The following MMAA variants were observed in gnomAD, a reference collection of about 807,000 sequenced individuals.
MMAA encodes methylmalonic aciduria type A protein, mitochondrial.
A neutral mutation model predicts 45.0 loss-of-function variants in MMAA; 41 were observed. The ratio of observed to expected loss-of-function variants is 0.91; its 90% CI spans 0.71 to 1.18. MMAA has a LOEUF of 1.18. Ranked by LOEUF, MMAA falls within the 50% of genes most tolerant of loss-of-function variation. The probability of loss-of-function intolerance (pLI) is 0.00; values close to 1 mark genes in which losing one functional copy is unlikely to be tolerated. For synonymous variants in MMAA, 154 were observed against 178.2 expected, an observed-to-expected ratio of 0.86 and a Z score of 1.08; for missense variants, 460 against 495.7, an observed-to-expected ratio of 0.93 and a Z score of 0.68.
intron 3 of MMAA, 81 bp downstream of exon 3, chr4:145,642,566 T>C: frequency 6.3e-7 from 1 of 1,586,424 alleles, no homozygotes. Flanking sequence ...CACAGTTGGG[T>C]GACCTCTAAC....
chr4:145,622,675 A>G lies in MMAA; in HGVS notation c.-66+3268A>G, dbSNP rs761555654. On this transcript the variant is annotated intron_variant, in intron 1 of 6. Transcript: ENST00000649156. ...AATAATGTTTTACATACTCATTAAC[A>G]TAGTGATTAATGTAAACTATATTTT... is the stretch of plus-strand genomic sequence containing the variant. Among the ~76,000 whole-genome samples, 25 of 152,228 alleles carry G rather than the reference A, an allele frequency of 1.6e-4. 1 individual carries two copies. Among genetic ancestry groups the G allele is most frequent in the South Asian group, 1.0e-3 (5 of 4,832 alleles).
In MMAA at chr4:145,625,952, C is replaced by A. The variant is rs112127569; in HGVS notation, c.-66+6545C>A. 837 of 1,588,988 alleles carry A rather than the reference C, an allele frequency of 5.3e-4. 5 individuals carry two copies. In the African/African-American group the frequency reaches 8.2e-3, roughly 16 times the overall value. ...CCTGGAGAACTCCACCAATAGCAAGCTCCAAGTCCCTCCGTGCATCACTAC... is the reference window on the plus strand; with the variant it reads ...CCTGGAGAACTCCACCAATAGCAAGATCCAAGTCCCTCCGTGCATCACTAC... On this transcript the variant is annotated intron_variant, in intron 1 of 6. Coordinates refer to ENST00000649156, the MANE Select transcript of MMAA (RefSeq NM_172250.3).
chr4:145,654,564 T>C (rs112769631), intron 6 of MMAA, among the ~76,000 whole-genome samples: 1 of 152,374 alleles, frequency 6.6e-6, no homozygotes, highest in African/African-American at 2.4e-5. Context: ...TGGTCATCTT[T>C]ATCTGTAGAC....
chr4:145,621,662 C>A (rs1052018785), intron 1 of MMAA, among the ~76,000 whole-genome samples: 1 of 152,106 alleles, frequency 6.6e-6, no homozygotes, highest in African/African-American at 2.4e-5. Context: ...AAGTGATTAG[C>A]ATTGAGAAAT....
At chr4:145,647,809 C>T (rs1727972127) in intron 4 of MMAA, among the ~76,000 whole-genome samples, 1 of 152,164 alleles carries the variant, frequency 6.6e-6, no homozygotes, top group Admixed American at 6.5e-5. Flanking sequence ...CAGATAAAGT[C>T]ACCTTGAGGT....
chr4:145,620,468 T>G (rs1381130356), intron 1 of MMAA, among the ~76,000 whole-genome samples: 3 of 152,220 alleles, frequency 2.0e-5, no homozygotes, highest in Non-Finnish European at 4.4e-5. Flanking sequence ...GATCCGATTT[T>G]CTCCAACACA....
chr4:145,625,601 A>C (rs1271224993), intron 1 of MMAA: 18 of 796,566 alleles, frequency 2.3e-5, no homozygotes, highest in South Asian at 4.0e-5. Context: ...GGCACAGAGC[A>C]GTTGTGTCAG....
At position 145,655,145 on chromosome 4, in the gene MMAA, A is replaced by T. The variant is rs1553959113; in HGVS notation, c.970-2A>T. On this transcript the variant is annotated splice_acceptor_variant, in intron 6 of 6. Coordinates refer to ENST00000649156, the MANE Select transcript of MMAA (RefSeq NM_172250.3). LOFTEE classifies it high-confidence loss of function. ...ATGGTCTGGTTCTTCCCTTTTCGAT[A>T]GGTAATTCGTATTTCTGCCCGAAGT... 1 of 1,613,984 alleles carries T rather than the reference A, an allele frequency of 6.2e-7. No homozygotes were observed. The highest frequency in any genetic ancestry group is 8.5e-7 in the Non-Finnish European group (1 of 1,179,942).
At chr4:145,622,587 A>C (rs1482660922) in intron 1 of MMAA, among the ~76,000 whole-genome samples, 1 of 152,184 alleles carries the variant, frequency 6.6e-6, no homozygotes, top group African/African-American at 2.4e-5. Flanking sequence ...TTTTGATTTG[A>C]TTATTATTAT....
rs562937052 is a variant in MMAA, at chr4:145,624,472, C to G, written c.-66+5065C>G. ...CCAGCTTTGTCTTCAGTATTAGGCC[C>G]TTTCTTAGGACTTCCTTCTTTGTAT... On this transcript the variant is annotated intron_variant, in intron 1 of 6. Transcript: ENST00000649156. 16 of 895,292 alleles carry G rather than the reference C, an allele frequency of 1.8e-5. No homozygotes were observed. The East Asian group carries it at 2.9e-4, about 16-fold the overall frequency. 55.5% of individuals were successfully genotyped at this position (895,292 alleles called of 1,614,324 possible).
chr4:145,646,213 A>G, intron 4 of MMAA, 57 bp downstream of exon 4: 1 of 1,597,854 alleles, frequency 6.3e-7, no homozygotes, highest in South Asian at 1.1e-5. Context: ...CTATATAAAG[A>G]TGAGTGACAA....
intron 3 of MMAA, among the ~76,000 whole-genome samples, chr4:145,643,263 A>C (rs1171341529): frequency 6.6e-6 from 1 of 152,182 alleles, no homozygotes; most frequent in Non-Finnish European, 1.5e-5. Flanking sequence ...TTGAGTGCCT[A>C]CTATAGGTGA....
intron 1 of MMAA, among the ~76,000 whole-genome samples, chr4:145,628,509 G>A (rs1396285487): frequency 2.6e-5 from 4 of 152,278 alleles, no homozygotes; most frequent in Admixed American, 2.0e-4. Context: ...GACCTGAAGA[G>A]TGGATTGAAT....
intron 1 of MMAA, among the ~76,000 whole-genome samples, chr4:145,638,022 A>C (rs1338589537): frequency 2.0e-5 from 3 of 152,214 alleles, no homozygotes; most frequent in Admixed American, 2.0e-4. Context: ...TACCATGTCA[A>C]CTTTCATTTT....
Position 145,642,373 on chromosome 4 carries a change from G to C in MMAA, c.450G>C (p.Gly150=). The change falls in exon 3 of 7, where the codon GGG becomes GGC. Residue 150 remains glycine (G), a synonymous_variant. Transcript: ENST00000649156. ...KPLAFRVGLS[G]PPGAGKSTFI... The stretch of plus-strand genomic sequence containing the variant: ...CTCTTTCCACCGTAGGATTGTCTGG[G>C]CCCCCTGGTGCTGGAAAATCAACAT... 6.2e-7 allele frequency: 1 copy of C among 1,613,876 alleles called. No individual in the cohort carries two copies. The highest frequency in any genetic ancestry group is 8.5e-7 in the Non-Finnish European group (1 of 1,179,934).
chr4:145,619,780 G>T (rs28505885), intron 1 of MMAA, among the ~76,000 whole-genome samples: 5,658 of 152,218 alleles, frequency 0.037, 316 homozygotes, highest in African/African-American at 0.12. Context: ...GTTAACCTGA[G>T]GCCGCGTCAG....
intron 4 of MMAA, chr4:145,646,708 TC>T (rs1363551204): frequency 6.3e-6 from 1 of 157,772 alleles, no homozygotes. Context: ...AGTGAAGACT[TC>T]CTAGAGGAGG....
In MMAA at chr4:145,639,171, A is replaced by G. The variant is rs749076210; in HGVS notation, c.32A>G (p.His11Arg). ...ATGCTGCTACCACATCCTCACCAGC[A>G]TTTCCTAAAAGGCCTTTTAAGAGCA... Reference protein sequence around the residue: MPMLLPHPHQHFLKGLLRAPF... With the variant: MPMLLPHPHQRFLKGLLRAPF... Residue 11 changes from histidine to arginine, a missense_variant, in exon 2 of 7, where the codon CAT (histidine) becomes CGT (arginine). By Grantham distance (29) the His-to-Arg change is conservative (BLOSUM62 0). Coordinates refer to ENST00000649156, the MANE Select transcript of MMAA (RefSeq NM_172250.3). 6.2e-6 allele frequency: 10 copies of G among 1,614,176 alleles called. No homozygotes were observed. In the Admixed American group the frequency reaches 8.3e-5, roughly 13 times the overall value.
chr4:145,642,305 T>G, intron 2 of MMAA, 58 bp from the exon 3 acceptor site: 6 of 1,595,926 alleles, frequency 3.8e-6, no homozygotes, highest in Non-Finnish European at 5.1e-6. Flanking sequence ...TCAGTAAAAC[T>G]GATCGTAGTT....
Sources: gnomAD v4.1 joint callset for allele counts (sites outside exome capture counted in the v4.1 genomes callset) on GRCh38, gnomAD v4.1.1 for gene constraint, MANE v1.5 for transcripts, NCBI Gene and HGNC (gene_info 2026-07-23, HGNC 2026-07-21) for gene names.